BHLHE41: variants seen among roughly 807,000 people sequenced by gnomAD.
BHLHE41 encodes basic helix-loop-helix family member e41, also known as class E basic helix-loop-helix protein 41.
BHLHE41 carries 14 observed loss-of-function variants against 24.0 expected under a neutral mutation model. The ratio of observed to expected loss-of-function variants is 0.58; its 90% CI spans 0.39 to 0.91. BHLHE41 has a LOEUF of 0.91. BHLHE41 is among the 40% of genes least tolerant of loss of function. The pLI is 0.00. For missense variants in BHLHE41, 674 were observed against 655.4 expected, an observed-to-expected ratio of 1.03 and a Z score of -0.31; for synonymous variants, 394 against 315.5, an observed-to-expected ratio of 1.25 and a Z score of -2.64.
Position 26,122,303 on chromosome 12 carries a change from GGCGGCGGCGGCT to G in BHLHE41, c.1200_1211del (p.Ala408_Ala411del). On this transcript the variant is annotated inframe_deletion, in exon 5 of 5. Coordinates refer to ENST00000242728, the MANE Select transcript of BHLHE41 (RefSeq NM_030762.3). Reference sequence around the variant, plus strand: ...GGAACGCGGCGGCGGCGGCGGCAGCGGCGGCGGCGGCTGCCGCGGCTGCCGCCGGGGCGGGGA... The same window carrying G: ...GGAACGCGGCGGCGGCGGCGGCAGCGGCCGCGGCTGCCGCCGGGGCGGGGA... The G allele has an allele frequency of 8.6e-7, 1 of 1,163,986 alleles. No individual in the cohort carries two copies. Among genetic ancestry groups the G allele is most frequent in the Non-Finnish European group, 1.1e-6 (1 of 943,870 alleles). 72.1% of individuals were successfully genotyped at this position (1,163,986 alleles called of 1,614,324 possible).
At position 26,121,908 on chromosome 12, in the gene BHLHE41, C is replaced by T; in HGVS notation, c.*158G>A. On this transcript the variant is annotated 3_prime_UTR_variant, in exon 5 of 5. Coordinates refer to ENST00000242728, the MANE Select transcript of BHLHE41 (RefSeq NM_030762.3). ...AGGAACTCCGAATGTACACATAACA[C>T]CTGTTTTGTTGTTCTTGTTTATGCC... The T allele has an allele frequency of 1.3e-6, 2 of 1,519,948 alleles. No homozygotes were observed. Among genetic ancestry groups the T allele is most frequent in the Non-Finnish European group, 8.8e-7 (1 of 1,133,138 alleles). 94.2% of individuals were successfully genotyped at this position (1,519,948 alleles called of 1,614,324 possible).
At position 26,122,813 on chromosome 12, in the gene BHLHE41, G is replaced by A; in HGVS notation, c.702C>T (p.Asn234=). 7 of 1,590,180 alleles carry A rather than the reference G, an allele frequency of 4.4e-6. No individual in the cohort carries two copies. Among genetic ancestry groups the A allele is most frequent in the South Asian group, 1.1e-5 (1 of 88,084 alleles). Residue 234 remains asparagine, a synonymous_variant, in exon 5 of 5, where the codon AAC becomes AAT. Coordinates refer to ENST00000242728, the MANE Select transcript of BHLHE41 (RefSeq NM_030762.3). ...TQPSAELAAE[N]DTDTDSGYGG... ...CGTAGCCGCTGTCGGTGTCCGTGTC[G>A]TTCTCGGCGGCGAGCTCGGCGCTGG...
chr12:26,121,891 C>T lies in BHLHE41; in HGVS notation c.*175G>A, dbSNP rs1047946880. 1 of 1,488,364 alleles carries T rather than the reference C, an allele frequency of 6.7e-7. No homozygotes were observed. Among genetic ancestry groups the T allele is most frequent in the Non-Finnish European group, 9.0e-7 (1 of 1,115,044 alleles). 92.2% of individuals were successfully genotyped at this position (1,488,364 alleles called of 1,614,324 possible). A position where few individuals can be genotyped will look rare whatever the true frequency, so the allele number is the denominator to read the frequency against. The stretch of plus-strand genomic sequence containing the variant: ...TGCGGGATGAGCAAAACAGGAACTC[C>T]GAATGTACACATAACACCTGTTTTG... On this transcript the variant is annotated 3_prime_UTR_variant, in exon 5 of 5. Transcript: ENST00000242728.
Position 26,122,536 on chromosome 12 carries a change from C to T in BHLHE41, c.979G>A (p.Val327Met), listed in dbSNP as rs1944319551. The T allele has an allele frequency of 1.6e-6, 2 of 1,261,464 alleles. No individual in the cohort carries two copies. Among genetic ancestry groups the T allele is most frequent in the Non-Finnish European group, 2.0e-6 (2 of 991,526 alleles). The allele number at this position is 1,261,464 out of a possible 1,614,324, so 78.1% of individuals were successfully genotyped here. A position where few individuals can be genotyped will look rare whatever the true frequency, so the allele number is the denominator to read the frequency against. The change falls in exon 5 of 5, where the codon GTG becomes ATG. Residue 327 changes from valine to methionine, a missense_variant. By Grantham distance (21) the Val-to-Met change is conservative. This residue lies in a region of BHLHE41 where 602 missense variants were observed against 570.8 expected (regional missense o/e 1.05). Transcript: ENST00000242728. ...RPDAALLSSL[V>M]AFGGGGGAPF... The stretch of plus-strand genomic sequence containing the variant: ...GCGCCTCCGCCTCCGCCGAACGCCA[C>T]CAGCGAGCTGAGCAGGGCGGCGTCG...
At position 26,120,314 on chromosome 12, in the gene BHLHE41, G is replaced by C. The variant is rs1591837239; in HGVS notation, c.*1752C>G. The C allele has an allele frequency of 6.6e-6, 1 of 152,542 alleles. No individual in the cohort carries two copies. Among genetic ancestry groups the C allele is most frequent in the East Asian group, 1.9e-4 (1 of 5,206 alleles). The allele number at this position is 152,542 out of a possible 1,614,324, so 9.4% of individuals were successfully genotyped here. On this transcript the variant is annotated 3_prime_UTR_variant, in exon 5 of 5. Coordinates refer to ENST00000242728, the MANE Select transcript of BHLHE41 (RefSeq NM_030762.3). ...GAATTTTTAAATCACAAAATAGTGT[G>C]GCAATATTTAGGTAATAGAATTTAT... is the stretch of plus-strand genomic sequence containing the variant.
Position 26,122,501 on chromosome 12 carries a change from C to A in BHLHE41, c.1014G>T (p.Pro338=). The part of the protein sequence containing the change: ...AFGGGGGAPF[P]QPAAAAAPFC... ...AGGGGGCCGCGGCGGCCGCGGGCTGCGGGAAGGGCGCGCCTCCGCCTCCGC... is the reference window on the plus strand; with the variant it reads ...AGGGGGCCGCGGCGGCCGCGGGCTGAGGGAAGGGCGCGCCTCCGCCTCCGC... The change falls in exon 5 of 5, where the codon CCG becomes CCT. Residue 338 remains proline, a synonymous_variant. Transcript: ENST00000242728. 7.6e-7 allele frequency: 1 copy of A among 1,311,512 alleles called. No homozygotes were observed. 81.2% of individuals were successfully genotyped at this position (1,311,512 alleles called of 1,614,324 possible).
At position 26,122,300 on chromosome 12, in the gene BHLHE41, AGCGGCGGCG is replaced by A. The variant is rs1266833600; in HGVS notation, c.1206_1214del (p.Ala409_Ala411del). Reference sequence around the variant, plus strand: ...AGGGGAACGCGGCGGCGGCGGCGGCAGCGGCGGCGGCGGCTGCCGCGGCTGCCGCCGGGG... The same window carrying A: ...AGGGGAACGCGGCGGCGGCGGCGGCAGCGGCTGCCGCGGCTGCCGCCGGGG... On this transcript the variant is annotated inframe_deletion, in exon 5 of 5. Coordinates refer to ENST00000242728, the MANE Select transcript of BHLHE41 (RefSeq NM_030762.3). The A allele has an allele frequency of 2.6e-6, 3 of 1,164,866 alleles. No homozygotes were observed. Among genetic ancestry groups the A allele is most frequent in the Non-Finnish European group, 3.2e-6 (3 of 949,178 alleles). The allele number at this position is 1,164,866 out of a possible 1,614,324, so 72.2% of individuals were successfully genotyped here. A position where few individuals can be genotyped will look rare whatever the true frequency, so the allele number is the denominator to read the frequency against.
At position 26,122,979 on chromosome 12, in the gene BHLHE41, A is replaced by AGCT; in HGVS notation, c.533_535dup (p.Gln178dup). 1 of 1,565,180 alleles carries AGCT rather than the reference A, an allele frequency of 6.4e-7. No individual in the cohort carries two copies. The highest frequency in any genetic ancestry group is 8.7e-7 in the Non-Finnish European group (1 of 1,154,330). ...GCTCAGAGGGACCTGTTGAGTCAAC[A>AGCT]GCTGCGGGGTGGGCAAGAACTGGGT... On this transcript the variant is annotated inframe_insertion, in exon 5 of 5. Transcript: ENST00000242728.
chr12:26,124,422 G>T, intron 2 of BHLHE41, 97 bp downstream of exon 2: 1 of 1,352,268 alleles, frequency 7.4e-7, no homozygotes, highest in Non-Finnish European at 1.1e-6. Context: ...AAGCTCAGGG[G>T]CTGGAATATA....
chr12:26,122,422 G>T lies in BHLHE41; in HGVS notation c.1093C>A (p.Pro365Thr). The T allele has an allele frequency of 7.4e-7, 1 of 1,343,812 alleles. No individual in the cohort carries two copies. Among genetic ancestry groups the T allele is most frequent in the South Asian group, 1.7e-5 (1 of 57,656 alleles). The allele number at this position is 1,343,812 out of a possible 1,614,324, so 83.2% of individuals were successfully genotyped here. The change falls in exon 5 of 5, where the codon CCC becomes ACC. Residue 365 changes from proline to threonine, a missense_variant. Pro to Thr is a conservative substitution (Grantham distance 38, BLOSUM62 -1). Coordinates refer to ENST00000242728, the MANE Select transcript of BHLHE41 (RefSeq NM_030762.3). ...SPSAAAAYVQ[P>T]FLDKSGLEKY... ...TCCAGGCCGCTCTTGTCCAGGAAGG[G>T]CTGCACGTAGGCGGCAGCTGCAGAA...
In BHLHE41 at chr12:26,122,168, CG is replaced by C. The variant is rs1565664169; in HGVS notation, c.1346del (p.Pro449ArgfsTer54). On this transcript the variant is annotated frameshift_variant, in exon 5 of 5. Transcript: ENST00000242728. LOFTEE classifies it high-confidence loss of function. ...APLGAPHPQH[P>X]HGRTHLPFAG... ...CGAAGGGCAGGTGGGTGCGGCCGTGCGGGTGCTGGGGGTGCGGCGCCCCAAG... is the reference window on the plus strand; with the variant it reads ...CGAAGGGCAGGTGGGTGCGGCCGTGCGGTGCTGGGGGTGCGGCGCCCCAAG... The C allele has an allele frequency of 1.3e-6, 2 of 1,532,062 alleles. No individual in the cohort carries two copies. Among genetic ancestry groups the C allele is most frequent in the African/African-American group, 2.8e-5 (2 of 71,822 alleles). 94.9% of individuals were successfully genotyped at this position (1,532,062 alleles called of 1,614,324 possible).
At chr12:26,124,422 G>A (rs1461207469) in intron 2 of BHLHE41, 97 bp downstream of exon 2, 2 of 1,352,270 alleles carry the variant, frequency 1.5e-6, no homozygotes, top group African/African-American at 1.4e-5. Flanking sequence ...AAGCTCAGGG[G>A]CTGGAATATA....
Position 26,123,053 on chromosome 12 carries a change from G to T in BHLHE41, c.462C>A (p.Pro154=), listed in dbSNP as rs1311584303. The T allele has an allele frequency of 1.3e-6, 2 of 1,582,974 alleles. No homozygotes were observed. Among genetic ancestry groups the T allele is most frequent in the East Asian group, 4.6e-5 (2 of 43,398 alleles). The change falls in exon 5 of 5, where the codon CCC becomes CCA. Residue 154 remains proline (P), a synonymous_variant. Coordinates refer to ENST00000242728, the MANE Select transcript of BHLHE41 (RefSeq NM_030762.3). The part of the protein sequence containing the change: ...QYLSRFESWT[P]REPRCVQLIN... ...TCAGCTGGACACACCGCGGCTCCCT[G>T]GGTGTCCAGCTCTCAAACCGGGAGA...
rs772978905 is a variant in BHLHE41, at chr12:26,122,650, T to TGCCGCC, written c.859_864dup (p.Gly287_Gly288dup). The TGCCGCC allele has an allele frequency of 6.7e-6, 9 of 1,346,580 alleles. No individual in the cohort carries two copies. The highest frequency in any genetic ancestry group is 1.5e-5 in the African/African-American group (1 of 66,576). The allele number at this position is 1,346,580 out of a possible 1,614,324, so 83.4% of individuals were successfully genotyped here. ...GCGCCGCCCCCCGGGCCGCCGCCGC[T>TGCCGCC]GCCGCCGCCGCGGGAATCCAGCTTC... On this transcript the variant is annotated inframe_insertion, in exon 5 of 5. Coordinates refer to ENST00000242728, the MANE Select transcript of BHLHE41 (RefSeq NM_030762.3).
Position 26,124,885 on chromosome 12 carries a change from C to T in BHLHE41, c.-106G>A. 9.4e-7 allele frequency: 1 copy of T among 1,061,322 alleles called. No homozygotes were observed. The highest frequency in any genetic ancestry group is 1.5e-6 in the Non-Finnish European group (1 of 685,534). 65.7% of individuals were successfully genotyped at this position (1,061,322 alleles called of 1,614,324 possible). On this transcript the variant is annotated 5_prime_UTR_variant, in exon 1 of 5. Coordinates refer to ENST00000242728, the MANE Select transcript of BHLHE41 (RefSeq NM_030762.3). ...TTGGGGGGATCTGTGCGTCTCCAGTCTCTCTCTCGCTCTCCCTCTTCAGTG... is the reference window on the plus strand; with the variant it reads ...TTGGGGGGATCTGTGCGTCTCCAGTTTCTCTCTCGCTCTCCCTCTTCAGTG...
chr12:26,122,770 G>C lies in BHLHE41; in HGVS notation c.745C>G (p.Arg249Gly), dbSNP rs1165368086. The change falls in exon 5 of 5, where the codon CGG becomes GGG. Residue 249 changes from arginine to glycine, a missense_variant. Coordinates refer to ENST00000242728, the MANE Select transcript of BHLHE41 (RefSeq NM_030762.3). ...CCTTTGCCTTTCTCGCGGTCCGGCCGGGCCTCGGCTTCGCCGCCGTAGCCG... is the reference window on the plus strand; with the variant it reads ...CCTTTGCCTTTCTCGCGGTCCGGCCCGGCCTCGGCTTCGCCGCCGTAGCCG... ...DSGYGGEAEA[R>G]PDREKGKGAG... 1 of 1,590,980 alleles carries C rather than the reference G, an allele frequency of 6.3e-7. No individual in the cohort carries two copies. The highest frequency in any genetic ancestry group is 8.5e-7 in the Non-Finnish European group (1 of 1,174,654).
intron 4 of BHLHE41, 71 bp from the exon 5 acceptor site, chr12:26,123,239 C>T: frequency 2.0e-6 from 3 of 1,491,684 alleles, no homozygotes; most frequent in Middle Eastern, 1.8e-4. Context: ...CACGTTAAAA[C>T]ATCTGCTTAT....
Position 26,122,584 on chromosome 12 carries a change from C to G in BHLHE41, c.931G>C (p.Ala311Pro). The change falls in exon 5 of 5, where the codon GCC becomes CCC. Residue 311 changes from alanine to proline, a missense_variant. Coordinates refer to ENST00000242728, the MANE Select transcript of BHLHE41 (RefSeq NM_030762.3). ...AAALLGPDPAAAAALLRPDAA... is the reference protein window; with the variant it reads ...AAALLGPDPAPAAALLRPDAA... ...TCGGGTCTCAGCAGCGCGGCCGCGG[C>G]GGCAGGGTCGGGCCCCAGAAGCGCG... is the stretch of plus-strand genomic sequence containing the variant. 1 of 1,104,658 alleles carries G rather than the reference C, an allele frequency of 9.1e-7. No individual in the cohort carries two copies. Among genetic ancestry groups the G allele is most frequent in the Non-Finnish European group, 1.1e-6 (1 of 908,962 alleles). 68.4% of individuals were successfully genotyped at this position (1,104,658 alleles called of 1,614,324 possible). A position where few individuals can be genotyped will look rare whatever the true frequency, so the allele number is the denominator to read the frequency against.
Position 26,122,539 on chromosome 12 carries a change from G to A in BHLHE41, c.976C>T (p.Leu326=), listed in dbSNP as rs1944319624. ...LRPDAALLSS[L]VAFGGGGGAP... Reference sequence around the variant, plus strand: ...CCTCCGCCTCCGCCGAACGCCACCAGCGAGCTGAGCAGGGCGGCGTCGGGT... The same window carrying A: ...CCTCCGCCTCCGCCGAACGCCACCAACGAGCTGAGCAGGGCGGCGTCGGGT... The change falls in exon 5 of 5, where the codon CTG becomes TTG. Residue 326 remains leucine (L), a synonymous_variant. Coordinates refer to ENST00000242728, the MANE Select transcript of BHLHE41 (RefSeq NM_030762.3). The A allele has an allele frequency of 1.0e-5, 13 of 1,256,274 alleles. No individual in the cohort carries two copies. Among genetic ancestry groups the A allele is most frequent in the Admixed American group, 3.2e-5 (1 of 31,656 alleles). 77.8% of individuals were successfully genotyped at this position (1,256,274 alleles called of 1,614,324 possible).
Sources: allele counts gnomAD v4.1 joint callset, GRCh38; gene constraint gnomAD v4.1.1; regional missense constraint gnomAD v4.1.1; transcripts MANE v1.5; gene names NCBI Gene and HGNC (gene_info 2026-07-23, HGNC 2026-07-21).